Variants in DOCK4 observed in about 807,000 individuals in gnomAD.
The protein encoded by DOCK4 is dedicator of cytokinesis 4.
In DOCK4, 97 loss-of-function variants were observed where a neutral mutation model predicts 268.1. That is an observed-to-expected ratio of 0.36 (90% CI 0.31 to 0.43). The LOEUF (loss-of-function observed/expected upper bound fraction) is 0.43. Among genes scored for constraint, DOCK4 ranks in the 20% least tolerant of loss-of-function variants. DOCK4 has a pLI of 1.00. For synonymous variants in DOCK4, 954 were observed against 887.2 expected, an observed-to-expected ratio of 1.08 and a Z score of -1.34; for missense variants, 2,145 against 2,455.7, an observed-to-expected ratio of 0.87 and a Z score of 2.67.
chr7:111,988,678 A>G (rs558550159), intron 6 of DOCK4, among the ~76,000 whole-genome samples: 1 of 152,356 alleles, frequency 6.6e-6, no homozygotes, highest in Admixed American at 6.5e-5. Context: ...AAGCAAATCC[A>G]CATGCCAAAC....
At chr7:112,149,382 A>G (rs57146399) in intron 1 of DOCK4, among the ~76,000 whole-genome samples, 1 of 152,156 alleles carries the variant, frequency 6.6e-6, no homozygotes, top group Admixed American at 6.5e-5. Context: ...TTCAGAGTAC[A>G]GATTCTGAGC....
At chr7:112,182,508 A>C (rs1206516516) in intron 1 of DOCK4, among the ~76,000 whole-genome samples, 1 of 152,178 alleles carries the variant, frequency 6.6e-6, no homozygotes, top group Non-Finnish European at 1.5e-5. Context: ...TGGGAGAAGG[A>C]GGCAAAGGAA....
rs1809608270 is a variant in DOCK4, at chr7:112,091,314, C to T, written c.38-87183G>A. On this transcript the variant is annotated intron_variant, in intron 1 of 52. Transcript: ENST00000428084. ...GTATACATGAGATTTGAACATTAGG[C>T]CCAGCAAAGATTAGCTTGGATTGGG... Among the ~76,000 whole-genome samples, 2 of 152,044 alleles carry T rather than the reference C, an allele frequency of 1.3e-5. 1 individual carries two copies. The highest frequency in any genetic ancestry group is 4.1e-4 in the South Asian group (2 of 4,822).
chr7:111,969,180 T>A (rs1797485859), intron 8 of DOCK4, among the ~76,000 whole-genome samples: 1 of 137,800 alleles, frequency 7.3e-6, no homozygotes, highest in African/African-American at 2.8e-5. Flanking sequence ...CTGCACAATG[T>A]GCACATGTAC....
At chr7:112,162,438 C>A (rs911482613) in intron 1 of DOCK4, among the ~76,000 whole-genome samples, 8 of 152,064 alleles carry the variant, frequency 5.3e-5, no homozygotes, top group African/African-American at 1.7e-4. Flanking sequence ...GTGACCCAAG[C>A]AGGACCTGTG....
chr7:112,107,363 T>C (rs1284517483), intron 1 of DOCK4, among the ~76,000 whole-genome samples: 2 of 152,132 alleles, frequency 1.3e-5, no homozygotes, highest in Non-Finnish European at 2.9e-5. Flanking sequence ...GTCTGACTGG[T>C]GTCCTTCTAA....
intron 1 of DOCK4, among the ~76,000 whole-genome samples, chr7:112,155,057 G>A (rs1816486144): frequency 6.6e-6 from 1 of 152,170 alleles, no homozygotes; most frequent in African/African-American, 2.4e-5. Context: ...GGAAGATGTT[G>A]TTTTTCCAAT....
chr7:112,145,051 C>A, intron 1 of DOCK4, among the ~76,000 whole-genome samples: 1 of 151,992 alleles, frequency 6.6e-6, no homozygotes, highest in Non-Finnish European at 1.5e-5. Context: ...TATGATGAAA[C>A]GATATCTATT....
At chr7:111,975,846 A>C (rs1322250372) in intron 8 of DOCK4, among the ~76,000 whole-genome samples, 2 of 152,006 alleles carry the variant, frequency 1.3e-5, no homozygotes, top group Admixed American at 1.3e-4. Flanking sequence ...CCAGAAAAGA[A>C]TTACTCCAAG....
Position 112,022,578 on chromosome 7 carries a change from A to G in DOCK4, c.38-18447T>C, listed in dbSNP as rs1024114010. Among the ~76,000 whole-genome samples the G allele has an allele frequency of 3.9e-5, 6 of 152,210 alleles. 1 individual carries two copies. Among genetic ancestry groups the G allele is most frequent in the Admixed American group, 1.3e-4 (2 of 15,280 alleles). Reference sequence around the variant, plus strand: ...CCAGCTATTAACCGTGCTGTGCTTCAGTTTCCTCAGACTGTAAAATTTGGG... The same window carrying G: ...CCAGCTATTAACCGTGCTGTGCTTCGGTTTCCTCAGACTGTAAAATTTGGG... On this transcript the variant is annotated intron_variant, in intron 1 of 52. Transcript: ENST00000428084.
intron 1 of DOCK4, among the ~76,000 whole-genome samples, chr7:112,193,481 C>A (rs1820152374): frequency 6.6e-6 from 1 of 151,754 alleles, no homozygotes; most frequent in Admixed American, 6.6e-5. Context: ...TGCCTATAGT[C>A]CCAACTACTG....
intron 8 of DOCK4, among the ~76,000 whole-genome samples, chr7:111,951,670 GA>G (rs1796062385): frequency 6.7e-6 from 1 of 148,830 alleles, no homozygotes; most frequent in African/African-American, 2.5e-5. Context: ...AAAAGAAGAA[GA>G]AAGAAAGAAA....
chr7:112,099,623 A>G (rs1199444954), intron 1 of DOCK4, among the ~76,000 whole-genome samples: 1 of 152,238 alleles, frequency 6.6e-6, no homozygotes, highest in African/African-American at 2.4e-5. Flanking sequence ...GATTGACTGA[A>G]TTCATGAATA....
chr7:112,180,568 G>C (rs1286416872), intron 1 of DOCK4, among the ~76,000 whole-genome samples: 1 of 152,200 alleles, frequency 6.6e-6, no homozygotes, highest in Admixed American at 6.5e-5. Flanking sequence ...CCTCAGAGAA[G>C]GGTGCCCATG....
chr7:111,798,819 C>G (rs1800074885), intron 30 of DOCK4, among the ~76,000 whole-genome samples: 1 of 152,216 alleles, frequency 6.6e-6, no homozygotes, highest in South Asian at 2.1e-4. Context: ...ATACTAACTC[C>G]AAGTATGCTT....
intron 5 of DOCK4, among the ~76,000 whole-genome samples, chr7:111,989,410 T>G (rs1799335598): frequency 6.6e-6 from 1 of 152,200 alleles, no homozygotes; most frequent in South Asian, 2.1e-4. Flanking sequence ...ACTTCTCACG[T>G]GCTCCTTTTA....
intron 8 of DOCK4, among the ~76,000 whole-genome samples, chr7:111,970,316 AT>A (rs1262201007): frequency 6.7e-6 from 1 of 150,088 alleles, no homozygotes; most frequent in African/African-American, 2.5e-5. Context: ...TGGGCAAGTT[AT>A]TAAAAAAAAA....
intron 8 of DOCK4, among the ~76,000 whole-genome samples, chr7:111,950,387 T>TA (rs1795963015): frequency 6.6e-6 from 1 of 152,236 alleles, no homozygotes; most frequent in Non-Finnish European, 1.5e-5. Flanking sequence ...TTTGTAAACT[T>TA]AAAAAATGTC....
intron 1 of DOCK4, among the ~76,000 whole-genome samples, chr7:112,066,869 G>A (rs189718732): frequency 6.6e-6 from 1 of 150,610 alleles, no homozygotes; most frequent in Admixed American, 6.6e-5. Flanking sequence ...AATGGGCTGG[G>A]CACAGTGGCT....
Sources: allele counts gnomAD v4.1 joint callset (sites outside exome capture counted in the v4.1 genomes callset), GRCh38; gene constraint gnomAD v4.1.1; transcripts MANE v1.5; gene names NCBI Gene and HGNC (gene_info 2026-07-23, HGNC 2026-07-21).